The following UBAP2 variants were observed in gnomAD, a reference collection of about 807,000 sequenced individuals.
UBAP2 encodes the protein ubiquitin-associated protein 2.
In UBAP2, 75 loss-of-function variants were observed where a neutral mutation model predicts 139.6. The observed-to-expected ratio is 0.54, with a 90% CI of 0.45 to 0.65. The LOEUF (loss-of-function observed/expected upper bound fraction) is 0.65, where lower values mean the gene tolerates loss of function less well. UBAP2 is among the 30% of genes least tolerant of loss of function. UBAP2 has a pLI of 0.00. For missense variants in UBAP2, 1,368 were observed against 1,369.6 expected, an observed-to-expected ratio of 1.00 and a Z score of 0.02; for synonymous variants, 526 against 526.2, an observed-to-expected ratio of 1.00 and a Z score of 0.01.
intron 19 of UBAP2, among the ~76,000 whole-genome samples, chr9:33,930,963 T>C (rs1266808996): frequency 6.6e-6 from 1 of 151,818 alleles, no homozygotes; most frequent in Non-Finnish European, 1.5e-5. Context: ...ACTGCGTGTT[T>C]TGACTTTTAT....
chr9:33,985,803 C>G (rs1311265006), intron 6 of UBAP2, among the ~76,000 whole-genome samples: 1 of 152,038 alleles, frequency 6.6e-6, no homozygotes, highest in African/African-American at 2.4e-5. Flanking sequence ...AGGTGGATCA[C>G]TTGAGGCCAG....
Position 33,998,315 on chromosome 9 carries a change from G to A in UBAP2, c.177+472C>T, listed in dbSNP as rs1822370661. On this transcript the variant is annotated intron_variant, in intron 3 of 28. Transcript: ENST00000379238. ...CAGGAGACCGAGGCAGCAGGATAGC[G>A]TGAGCCTAGGAGTTTGAGGCTGCAG... 3.3e-5 allele frequency: 5 copies of A among 153,308 alleles called. No individual in the cohort carries two copies. The South Asian group carries it at 6.1e-4, about 19-fold the overall frequency. The allele number at this position is 153,308 out of a possible 1,614,324, so 9.5% of individuals were successfully genotyped here. A position where few individuals can be genotyped will look rare whatever the true frequency, so the allele number is the denominator to read the frequency against.
Position 34,008,136 on chromosome 9 carries a change from AAAC to A in UBAP2, c.99+8911_99+8913del, listed in dbSNP as rs555760337. ...GCGACAGAGTGAGACTCGTCTCAAA[AAAC>A]AAAAATACACATACAAATACAAAAT... On this transcript the variant is annotated intron_variant, in intron 2 of 28. Coordinates refer to ENST00000379238, the MANE Select transcript of UBAP2 (RefSeq NM_001370062.2). Among the ~76,000 whole-genome samples, 7 of 152,182 alleles carry A rather than the reference AAAC, an allele frequency of 4.6e-5. No individual in the cohort carries two copies. In the East Asian group the frequency reaches 1.4e-3, roughly 30 times the overall value.
At chr9:33,976,522 G>A (rs913538321) in intron 6 of UBAP2, among the ~76,000 whole-genome samples, 2 of 152,194 alleles carry the variant, frequency 1.3e-5, no homozygotes, top group Non-Finnish European at 2.9e-5. Context: ...GGTGCTCAGG[G>A]TTGAGGTGGA....
intron 9 of UBAP2, among the ~76,000 whole-genome samples, chr9:33,963,189 T>TA (rs1238408535): frequency 6.6e-6 from 1 of 151,926 alleles, no homozygotes; most frequent in Admixed American, 6.6e-5. Flanking sequence ...TGCAACATGA[T>TA]AGAGTGGTAA....
At chr9:34,004,676 C>T (rs1479738555) in intron 2 of UBAP2, among the ~76,000 whole-genome samples, 2 of 151,230 alleles carry the variant, frequency 1.3e-5, no homozygotes, top group Non-Finnish European at 2.9e-5. Context: ...CCCAGCTACT[C>T]GGGAGGCTGA....
chr9:34,038,327 T>C (rs1022263902), intron 1 of UBAP2, among the ~76,000 whole-genome samples: 6 of 152,134 alleles, frequency 3.9e-5, no homozygotes, highest in Non-Finnish European at 4.4e-5. Flanking sequence ...CTCCCTCTGA[T>C]GCCAAGCCAA....
chr9:33,940,832 A>G (rs1825141344), intron 16 of UBAP2, among the ~76,000 whole-genome samples: 2 of 152,198 alleles, frequency 1.3e-5, no homozygotes, highest in African/African-American at 2.4e-5. Context: ...CTCACATATT[A>G]ATTTTTAGCA....
At chr9:33,968,665 T>C (rs538394034) in intron 8 of UBAP2, 92 of 271,520 alleles carry the variant, frequency 3.4e-4, no homozygotes, top group Non-Finnish European at 5.1e-4. Context: ...AAATGGATAA[T>C]ACTAATTTCT....
At chr9:34,026,839 T>C (rs1346468924) in intron 1 of UBAP2, among the ~76,000 whole-genome samples, 3 of 152,216 alleles carry the variant, frequency 2.0e-5, no homozygotes, top group African/African-American at 7.2e-5. Context: ...GTGTGTGCAC[T>C]TAACTATTAT....
chr9:33,973,142 G>C, intron 7 of UBAP2, 41 bp downstream of exon 7: 24 of 1,589,442 alleles, frequency 1.5e-5, no homozygotes, highest in Non-Finnish European at 2.0e-5. Flanking sequence ...ATAAAAACTA[G>C]GGAAGTAAAT....
intron 1 of UBAP2, among the ~76,000 whole-genome samples, chr9:34,020,921 C>G (rs1052149677): frequency 1.3e-5 from 2 of 152,108 alleles, no homozygotes; most frequent in African/African-American, 4.8e-5. Flanking sequence ...CTCGGCCTCC[C>G]AAAGTGGTGG....
chr9:34,014,324 C>CAA (rs1170182976), intron 2 of UBAP2, among the ~76,000 whole-genome samples: 7,128 of 55,584 alleles, frequency 0.13, 868 homozygotes, highest in Non-Finnish European at 0.14. Flanking sequence ...GAGACTGTCT[C>CAA]AAAAAAAAAA....
intron 5 of UBAP2, 71 bp from the exon 6 acceptor site, chr9:33,986,908 T>C: frequency 2.3e-6 from 3 of 1,315,828 alleles, no homozygotes; most frequent in Non-Finnish European, 3.3e-6. Context: ...ATCAAGCACC[T>C]ATTAAAGGCA....
In UBAP2 at chr9:34,014,324, CAAAAAAAAAA is replaced by C. The variant is rs1170182976; in HGVS notation, c.99+2716_99+2725del. Among the ~76,000 whole-genome samples, 10 of 55,676 alleles carry C rather than the reference CAAAAAAAAAA, an allele frequency of 1.8e-4. No individual in the cohort carries two copies. The South Asian group carries it at 7.2e-3, about 40-fold the overall frequency. 36.5% of individuals were successfully genotyped at this position (55,676 alleles called of 152,430 possible). On this transcript the variant is annotated intron_variant, in intron 2 of 28. Transcript: ENST00000379238. ...ACTGGGCTACAGAGCGAGACTGTCT[CAAAAAAAAAA>C]AAAAAAAAAAAAAAGGTCAGGTGCG...
intron 2 of UBAP2, among the ~76,000 whole-genome samples, chr9:34,009,475 G>T (rs1238533761): frequency 6.6e-6 from 1 of 152,056 alleles, no homozygotes; most frequent in Non-Finnish European, 1.5e-5. Flanking sequence ...GCCCAGGATG[G>T]TCTTGAACTC....
At chr9:33,940,225 A>C (rs960958077) in intron 16 of UBAP2, among the ~76,000 whole-genome samples, 2 of 152,224 alleles carry the variant, frequency 1.3e-5, no homozygotes, top group East Asian at 1.9e-4. Context: ...GCTTCTTCCT[A>C]AACTGGAAGC....
intron 2 of UBAP2, among the ~76,000 whole-genome samples, chr9:34,006,390 T>C (rs1446286138): frequency 6.6e-6 from 1 of 152,062 alleles, no homozygotes; most frequent in Non-Finnish European, 1.5e-5. Flanking sequence ...AAAATTAATA[T>C]TTAAGATAGT....
At chr9:34,021,775 A>T (rs575469459) in intron 1 of UBAP2, among the ~76,000 whole-genome samples, 13 of 152,116 alleles carry the variant, frequency 8.5e-5, no homozygotes, top group African/African-American at 2.7e-4. Flanking sequence ...CTGGGACTAC[A>T]GACGCCTGCC....
Sources: gnomAD v4.1 joint callset for allele counts (sites outside exome capture counted in the v4.1 genomes callset) on GRCh38, gnomAD v4.1.1 for gene constraint, MANE v1.5 for transcripts, NCBI Gene and HGNC (gene_info 2026-07-23, HGNC 2026-07-21) for gene names.